The following NRXN3 variants were observed in gnomAD, a reference collection of about 807,000 sequenced individuals.
The protein encoded by NRXN3 is neurexin 3, also known as neurexin III.
A neutral mutation model predicts 137.6 loss-of-function variants in NRXN3; 32 were observed. The observed-to-expected ratio is 0.23, with a 90% CI of 0.18 to 0.31. The LOEUF is 0.31. Ranked by LOEUF, NRXN3 falls within the 10% of genes least tolerant of loss-of-function variation. The probability of loss-of-function intolerance (pLI) is 1.00; values close to 1 mark genes in which losing one functional copy is unlikely to be tolerated. For missense variants in NRXN3, 1,574 were observed against 2,062.5 expected (o/e 0.76, Z 4.59); for synonymous variants, 798 against 784.5 (o/e 1.02, Z -0.29).
chr14:79,480,020 CAAAT>C (rs2153636296), intron 16 of NRXN3, among the ~76,000 whole-genome samples: 1 of 152,228 alleles, frequency 6.6e-6, no homozygotes, highest in South Asian at 2.1e-4. Context: ...TAAATGATCT[CAAAT>C]AACACAAAAA....
intron 4 of NRXN3, among the ~76,000 whole-genome samples, chr14:78,413,121 G>A (rs1383367918): frequency 1.3e-5 from 2 of 152,120 alleles, no homozygotes; most frequent in Non-Finnish European, 2.9e-5. Flanking sequence ...TGTTGAGGGA[G>A]TTCTTTTGGG....
chr14:79,080,001 A>G (rs926766149), intron 15 of NRXN3, among the ~76,000 whole-genome samples: 1 of 152,152 alleles, frequency 6.6e-6, no homozygotes, highest in African/African-American at 2.4e-5. Context: ...AGAAAAAGTC[A>G]AACTAGATCA....
At chr14:78,238,140 C>A (rs1299494051) in intron 1 of NRXN3, among the ~76,000 whole-genome samples, 1 of 17,418 alleles carries the variant, frequency 5.7e-5, no homozygotes, top group Non-Finnish European at 1.2e-4. Context: ...GTTGTGTGAG[C>A]CCCCCCCACC....
At chr14:79,244,456 G>A (rs755759119) in intron 15 of NRXN3, among the ~76,000 whole-genome samples, 4 of 152,138 alleles carry the variant, frequency 2.6e-5, no homozygotes, top group Admixed American at 6.6e-5. Context: ...CTCATAACGC[G>A]TGAACGTTAT....
chr14:78,792,144 G>A (rs529152701), intron 8 of NRXN3, among the ~76,000 whole-genome samples: 3 of 150,816 alleles, frequency 2.0e-5, no homozygotes, highest in African/African-American at 7.3e-5. Context: ...ACATTCTATG[G>A]CTCAATTTGC....
intron 19 of NRXN3, among the ~76,000 whole-genome samples, chr14:79,720,541 T>C (rs1211874294): frequency 6.6e-6 from 1 of 152,098 alleles, no homozygotes; most frequent in Non-Finnish European, 1.5e-5. Context: ...GCGGTTGGCT[T>C]CCTATTAAAC....
At chr14:79,545,663 G>A (rs1273475355) in intron 16 of NRXN3, among the ~76,000 whole-genome samples, 1 of 151,788 alleles carries the variant, frequency 6.6e-6, no homozygotes, top group Non-Finnish European at 1.5e-5. Context: ...TATTCGGAGG[G>A]CTTGTTTTTT....
intron 4 of NRXN3, among the ~76,000 whole-genome samples, chr14:78,316,974 G>A (rs2078779786): frequency 6.6e-6 from 1 of 152,176 alleles, no homozygotes; most frequent in South Asian, 2.1e-4. Flanking sequence ...ACAAAACCAA[G>A]AGGAGATATA....
intron 2 of NRXN3, among the ~76,000 whole-genome samples, chr14:78,253,758 A>C (rs1340712147): frequency 6.6e-6 from 1 of 152,154 alleles, no homozygotes; most frequent in Admixed American, 6.5e-5. Flanking sequence ...CTCATTTCTC[A>C]TCCTCCTCTG....
intron 5 of NRXN3, among the ~76,000 whole-genome samples, chr14:78,647,600 C>T (rs74733070): frequency 0.021 from 3,159 of 152,186 alleles, 134 homozygotes; most frequent in African/African-American, 0.073. Context: ...ATACAGAGGC[C>T]CTACAGTATT....
At chr14:78,635,596 GCT>G (rs1330176737) in intron 4 of NRXN3, among the ~76,000 whole-genome samples, 1 of 152,126 alleles carries the variant, frequency 6.6e-6, no homozygotes, top group Non-Finnish European at 1.5e-5. Context: ...CTCCTCTCCA[GCT>G]CTGTGTCCCT....
At chr14:78,393,867 A>G (rs2091101409) in intron 4 of NRXN3, among the ~76,000 whole-genome samples, 1 of 151,972 alleles carries the variant, frequency 6.6e-6, no homozygotes, top group Non-Finnish European at 1.5e-5. Context: ...AGCAATCATA[A>G]GTAGTATTTT....
chr14:78,414,905 A>T (rs1036755556), intron 4 of NRXN3, among the ~76,000 whole-genome samples: 2 of 152,162 alleles, frequency 1.3e-5, no homozygotes, highest in Non-Finnish European at 2.9e-5. Flanking sequence ...CATGTGGGAG[A>T]GGAGAGCAAG....
At chr14:79,389,090 G>T (rs1390178813) in intron 15 of NRXN3, among the ~76,000 whole-genome samples, 2 of 152,326 alleles carry the variant, frequency 1.3e-5, no homozygotes, top group East Asian at 3.9e-4. Context: ...TTAGCAGCAT[G>T]AGAACTGACT....
chr14:79,323,775 C>T (rs2090432976), intron 15 of NRXN3, among the ~76,000 whole-genome samples: 1 of 152,120 alleles, frequency 6.6e-6, no homozygotes, highest in Admixed American at 6.5e-5. Context: ...AGGAGAATCA[C>T]TTGAACCAGG....
chr14:78,353,260 G>C (rs889889502), intron 4 of NRXN3, among the ~76,000 whole-genome samples: 1 of 152,096 alleles, frequency 6.6e-6, no homozygotes, highest in African/African-American at 2.4e-5. Flanking sequence ...TCTTTGACTG[G>C]GGTGTCTTAG....
intron 15 of NRXN3, among the ~76,000 whole-genome samples, chr14:79,404,404 A>G (rs1255774211): frequency 1.3e-5 from 2 of 152,214 alleles, no homozygotes; most frequent in African/African-American, 4.8e-5. Flanking sequence ...TAGACTAGGA[A>G]AGTGAGTCAC....
intron 19 of NRXN3, among the ~76,000 whole-genome samples, chr14:79,792,427 T>C (rs1040820053): frequency 1.3e-5 from 2 of 152,212 alleles, no homozygotes; most frequent in Admixed American, 1.3e-4. Context: ...AAGTTTGTCA[T>C]TAAAGCTACT....
chr14:79,165,477 A>T (rs185035733), intron 15 of NRXN3, among the ~76,000 whole-genome samples: 19 of 152,140 alleles, frequency 1.2e-4, no homozygotes, highest in Non-Finnish European at 2.4e-4. Context: ...TTCCACTCTC[A>T]TGCGATTTTG....
Sources: gnomAD v4.1 joint callset for allele counts (sites outside exome capture counted in the v4.1 genomes callset) on GRCh38, gnomAD v4.1.1 for gene constraint, MANE v1.5 for transcripts, NCBI Gene and HGNC (gene_info 2026-07-23, HGNC 2026-07-21) for gene names.